GNA14: variants seen among roughly 807,000 people sequenced by gnomAD.
GNA14 encodes the protein guanine nucleotide-binding protein subunit alpha-14.
In GNA14, 50 loss-of-function variants were observed where a neutral mutation model predicts 42.0. The ratio of observed to expected loss-of-function variants is 1.19; its 90% CI spans 0.95 to 1.51. GNA14 has a LOEUF of 1.51. Among genes scored for constraint, GNA14 ranks in the 40% most tolerant of loss-of-function variants. The probability of loss-of-function intolerance (pLI) is 0.00; values close to 1 mark genes in which losing one functional copy is unlikely to be tolerated. For synonymous variants in GNA14, 173 were observed against 163.1 expected, an observed-to-expected ratio of 1.06 and a Z score of -0.46; for missense variants, 473 against 446.2, an observed-to-expected ratio of 1.06 and a Z score of -0.54.
intron 1 of GNA14, among the ~76,000 whole-genome samples, chr9:77,619,947 T>A (rs1290261170): frequency 6.6e-6 from 1 of 152,140 alleles, no homozygotes; most frequent in Non-Finnish European, 1.5e-5. Context: ...ACTGCACATG[T>A]AAAGCCTCTT....
At chr9:77,577,296 T>C (rs1823143552) in intron 1 of GNA14, among the ~76,000 whole-genome samples, 1 of 152,236 alleles carries the variant, frequency 6.6e-6, no homozygotes, top group African/African-American at 2.4e-5. Flanking sequence ...TCTTACATAC[T>C]GTACATTCTA....
intron 1 of GNA14, among the ~76,000 whole-genome samples, chr9:77,631,740 G>T (rs1200210365): frequency 6.6e-6 from 1 of 151,802 alleles, no homozygotes; most frequent in Non-Finnish European, 1.5e-5. Flanking sequence ...TCTACTATTT[G>T]AAGTTCAAGT....
chr9:77,628,212 C>G (rs1050919961), intron 1 of GNA14, among the ~76,000 whole-genome samples: 1 of 152,140 alleles, frequency 6.6e-6, no homozygotes, highest in Non-Finnish European at 1.5e-5. Flanking sequence ...TTCAAGAGAA[C>G]TACAAACCAC....
intron 2 of GNA14, among the ~76,000 whole-genome samples, chr9:77,477,037 T>C (rs757000162): frequency 3.9e-5 from 6 of 152,092 alleles, no homozygotes; most frequent in East Asian, 1.9e-4. Context: ...GCACCAAGTA[T>C]AGTTTAAGGA....
chr9:77,425,638 T>C lies in GNA14; in HGVS notation c.801A>G (p.Leu267=). Reference sequence around the variant, plus strand: ...CCAAAAGATCCTTCTTGTTCAAGAATAAAATCACAGACGAATTCAGAAACC... The same window carrying C: ...CCAAAAGATCCTTCTTGTTCAAGAACAAAATCACAGACGAATTCAGAAACC... The part of the protein sequence containing the change: ...YPWFLNSSVI[L]FLNKKDLLEE... Residue 267 remains leucine (L), a synonymous_variant, in exon 6 of 7, where the codon TTA becomes TTG. Coordinates refer to ENST00000341700, the MANE Select transcript of GNA14 (RefSeq NM_004297.4). 1 of 1,608,796 alleles carries C rather than the reference T, an allele frequency of 6.2e-7. No individual in the cohort carries two copies. Among genetic ancestry groups the C allele is most frequent in the Non-Finnish European group, 8.5e-7 (1 of 1,175,226 alleles).
At chr9:77,607,544 G>T (rs565411799) in intron 1 of GNA14, among the ~76,000 whole-genome samples, 1 of 152,320 alleles carries the variant, frequency 6.6e-6, no homozygotes, top group East Asian at 1.9e-4. Flanking sequence ...GTGCAATAAA[G>T]AAAGGCTGTA....
Position 77,559,881 on chromosome 9 carries a change from C to A in GNA14, c.125-30628G>T, listed in dbSNP as rs1190141360. ...CAGCTTATAAACTGTTGAGCTAAAC[C>A]TACAGATAGAAAATACTTCAACCAG... is the stretch of plus-strand genomic sequence containing the variant. On this transcript the variant is annotated intron_variant, in intron 1 of 6. Transcript: ENST00000341700. 2.0e-5 allele frequency among the ~76,000 whole-genome samples: 3 copies of A among 152,146 alleles called. No homozygotes were observed. In the East Asian group the frequency reaches 5.8e-4, roughly 29 times the overall value.
chr9:77,527,173 C>T (rs548260225), intron 2 of GNA14, among the ~76,000 whole-genome samples: 4 of 152,278 alleles, frequency 2.6e-5, no homozygotes, highest in African/African-American at 9.6e-5. Context: ...AATCACCCCC[C>T]AAGAACATTC....
chr9:77,585,230 G>C (rs1235178914), intron 1 of GNA14, among the ~76,000 whole-genome samples: 1 of 152,124 alleles, frequency 6.6e-6, no homozygotes, highest in Non-Finnish European at 1.5e-5. Context: ...ATGACCATAG[G>C]AGACCAGAAT....
chr9:77,616,931 A>G (rs1166587548), intron 1 of GNA14, among the ~76,000 whole-genome samples: 355 of 151,372 alleles, frequency 2.3e-3, no homozygotes, highest in Non-Finnish European at 3.7e-3. Context: ...GTGTGGTGGC[A>G]CGATCTTGGC....
chr9:77,493,889 A>G (rs568498545), intron 2 of GNA14, among the ~76,000 whole-genome samples: 1 of 152,270 alleles, frequency 6.6e-6, no homozygotes, highest in East Asian at 1.9e-4. Flanking sequence ...CACAAGATTT[A>G]ACAAAAAGAT....
intron 1 of GNA14, among the ~76,000 whole-genome samples, chr9:77,598,168 G>A (rs1823497280): frequency 6.6e-6 from 1 of 152,150 alleles, no homozygotes; most frequent in Admixed American, 6.5e-5. Flanking sequence ...TTGGCAGTAA[G>A]TTATGGGGCT....
At chr9:77,521,994 G>A (rs1218604848) in intron 2 of GNA14, among the ~76,000 whole-genome samples, 7 of 152,140 alleles carry the variant, frequency 4.6e-5, no homozygotes, top group East Asian at 3.9e-4. Context: ...CACCACGCCC[G>A]GCTAATTTTT....
intron 2 of GNA14, among the ~76,000 whole-genome samples, chr9:77,481,817 CTCTTT>C (rs1460864608): frequency 6.6e-6 from 1 of 152,114 alleles, no homozygotes; most frequent in Non-Finnish European, 1.5e-5. Flanking sequence ...CCTTCTTTGT[CTCTTT>C]TCATCTTTGT....
intron 2 of GNA14, among the ~76,000 whole-genome samples, chr9:77,461,988 T>C (rs1356072765): frequency 6.6e-6 from 1 of 152,150 alleles, no homozygotes; most frequent in African/African-American, 2.4e-5. Context: ...AAACCGCTAT[T>C]AGGGGTCAAG....
At chr9:77,454,341 C>T (rs989529816) in intron 2 of GNA14, among the ~76,000 whole-genome samples, 6 of 152,158 alleles carry the variant, frequency 3.9e-5, no homozygotes, top group Non-Finnish European at 7.3e-5. Context: ...TTGGGTGGCC[C>T]ATTATCCATT....
In GNA14 at chr9:77,570,179, T is replaced by A. The variant is rs1823039877; in HGVS notation, c.125-40926A>T. 4.0e-5 allele frequency among the ~76,000 whole-genome samples: 6 copies of A among 149,046 alleles called. No homozygotes were observed. The South Asian group carries it at 1.2e-3, about 31-fold the overall frequency. On this transcript the variant is annotated intron_variant, in intron 1 of 6. Coordinates refer to ENST00000341700, the MANE Select transcript of GNA14 (RefSeq NM_004297.4). Reference sequence around the variant, plus strand: ...TTAAACTAAACAAATAAATATATATTAACTTAATTCTAACACCATTTCCCC... The same window carrying A: ...TTAAACTAAACAAATAAATATATATAAACTTAATTCTAACACCATTTCCCC...
intron 1 of GNA14, among the ~76,000 whole-genome samples, chr9:77,590,106 G>A (rs1823368822): frequency 6.6e-6 from 1 of 152,042 alleles, no homozygotes; most frequent in Non-Finnish European, 1.5e-5. Context: ...TAGTAGAGAT[G>A]GGGTATCAAC....
chr9:77,479,041 T>C (rs1260807378), intron 2 of GNA14, among the ~76,000 whole-genome samples: 2 of 151,720 alleles, frequency 1.3e-5, no homozygotes. Flanking sequence ...ATCCCATTTG[T>C]CAATTTTGGC....
Sources: allele counts gnomAD v4.1 joint callset (sites outside exome capture counted in the v4.1 genomes callset), GRCh38; gene constraint gnomAD v4.1.1; transcripts MANE v1.5; gene names NCBI Gene and HGNC (gene_info 2026-07-23, HGNC 2026-07-21).